TYW1: variants seen among roughly 807,000 people sequenced by gnomAD.
TYW1 encodes tRNA-yW synthesizing protein 1 homolog.
Under a neutral mutation model 96.2 loss-of-function variants are expected in TYW1, and 46 were observed. The observed-to-expected ratio is 0.48, with a 90% CI of 0.38 to 0.61. TYW1 has a LOEUF of 0.61. Ranked by LOEUF, TYW1 falls within the 20% of genes least tolerant of loss-of-function variation. The pLI, the probability that TYW1 is intolerant of heterozygous loss-of-function variation, is 0.00. For missense variants in TYW1, 684 were observed against 909.6 expected (o/e 0.75, Z 3.19); for synonymous variants, 274 against 323.0 (o/e 0.85, Z 1.63).
chr7:67,110,442 G>T (rs1050861310), intron 12 of TYW1, among the ~76,000 whole-genome samples: 10 of 152,180 alleles, frequency 6.6e-5, no homozygotes, highest in Non-Finnish European at 1.5e-4. Context: ...CTCGACAAAG[G>T]CTGGGAGGCT....
intron 10 of TYW1, among the ~76,000 whole-genome samples, chr7:67,078,420 G>T (rs1796271700): frequency 1.3e-5 from 2 of 152,068 alleles, no homozygotes; most frequent in Non-Finnish European, 2.9e-5. Flanking sequence ...GTCATGTACT[G>T]TAATACCTTG....
chr7:67,054,853 C>A (rs1003221827), intron 8 of TYW1, among the ~76,000 whole-genome samples: 1 of 152,162 alleles, frequency 6.6e-6, no homozygotes, highest in Admixed American at 6.5e-5. Context: ...AATGAGATTA[C>A]TTTGGCCTGG....
chr7:67,008,848 G>C (rs1407137694), intron 3 of TYW1, among the ~76,000 whole-genome samples: 4 of 151,846 alleles, frequency 2.6e-5, no homozygotes, highest in Non-Finnish European at 4.4e-5. Flanking sequence ...TTTTAGTAGA[G>C]ACGGGGTTTT....
chr7:67,037,987 A>G (rs578092513), intron 7 of TYW1, among the ~76,000 whole-genome samples: 2 of 152,286 alleles, frequency 1.3e-5, no homozygotes, highest in South Asian at 4.1e-4. Flanking sequence ...AAACTTTTTG[A>G]GTCCTGATAT....
At chr7:67,103,419 T>C (rs185317757) in intron 12 of TYW1, among the ~76,000 whole-genome samples, 82 of 152,306 alleles carry the variant, frequency 5.4e-4, no homozygotes, top group African/African-American at 1.9e-3. Flanking sequence ...ATGATTAGGA[T>C]TGCCATGCTA....
intron 13 of TYW1, among the ~76,000 whole-genome samples, chr7:67,118,534 G>T (rs1797666279): frequency 6.6e-6 from 1 of 151,524 alleles, no homozygotes; most frequent in South Asian, 2.1e-4. Flanking sequence ...TTCATCCATG[G>T]TTGGTTGAAT....
At chr7:67,026,853 T>C (rs1289635742) in intron 7 of TYW1, among the ~76,000 whole-genome samples, 4 of 152,044 alleles carry the variant, frequency 2.6e-5, no homozygotes, top group Non-Finnish European at 5.9e-5. Flanking sequence ...GAATTTCATA[T>C]ATATTAAAGG....
At chr7:67,091,478 G>C (rs961277313) in intron 11 of TYW1, among the ~76,000 whole-genome samples, 7 of 152,024 alleles carry the variant, frequency 4.6e-5, no homozygotes, top group African/African-American at 1.7e-4. Flanking sequence ...ACGAGTTAAC[G>C]GGTACAGCAC....
At chr7:67,190,216 G>A (rs1234734142) in intron 14 of TYW1, among the ~76,000 whole-genome samples, 1 of 152,194 alleles carries the variant, frequency 6.6e-6, no homozygotes, top group Non-Finnish European at 1.5e-5. Context: ...AGTTTTTCTT[G>A]TATGTAGCAG....
chr7:67,115,865 C>A (rs1182690932), intron 12 of TYW1, among the ~76,000 whole-genome samples: 1 of 152,010 alleles, frequency 6.6e-6, no homozygotes, highest in Non-Finnish European at 1.5e-5. Flanking sequence ...CACAAAACTT[C>A]TAGGTGGAAA....
At chr7:67,051,897 TA>T (rs1202950645) in intron 8 of TYW1, among the ~76,000 whole-genome samples, 1 of 152,206 alleles carries the variant, frequency 6.6e-6, no homozygotes, top group East Asian at 1.9e-4. Context: ...TCAAGTTCAG[TA>T]ATTTTTTGCT....
intron 15 of TYW1, among the ~76,000 whole-genome samples, chr7:67,214,067 T>C (rs1205003364): frequency 6.6e-6 from 1 of 152,226 alleles, no homozygotes; most frequent in Non-Finnish European, 1.5e-5. Flanking sequence ...AGGATTTTGA[T>C]TGGGATTGCC....
chr7:67,036,008 T>C (rs769358582), intron 7 of TYW1, among the ~76,000 whole-genome samples: 1 of 150,070 alleles, frequency 6.7e-6, no homozygotes, highest in South Asian at 2.1e-4. Context: ...AAGGCTCCCA[T>C]TGTCCTCAGA....
At chr7:67,168,165 C>T (rs1478394611) in intron 13 of TYW1, among the ~76,000 whole-genome samples, 3 of 147,622 alleles carry the variant, frequency 2.0e-5, no homozygotes, top group African/African-American at 5.1e-5. Flanking sequence ...ATTTTTTTTG[C>T]GTCTATTGAG....
chr7:67,095,660 A>AAACAAC (rs56747081), intron 11 of TYW1, among the ~76,000 whole-genome samples: 1,511 of 136,656 alleles, frequency 0.011, 13 homozygotes, highest in Non-Finnish European at 0.013. Context: ...TCTGTCTCAA[A>AAACAAC]AACAACAACA....
At chr7:67,041,945 A>G (rs1420078764) in intron 7 of TYW1, among the ~76,000 whole-genome samples, 1 of 150,046 alleles carries the variant, frequency 6.7e-6, no homozygotes, top group Non-Finnish European at 1.5e-5. Flanking sequence ...ATTTTCTTGT[A>G]TAGTAGTTAA....
intron 6 of TYW1, among the ~76,000 whole-genome samples, chr7:67,021,463 C>T: frequency 6.6e-6 from 1 of 152,282 alleles, no homozygotes. Flanking sequence ...ACATGTCTTT[C>T]CCTGGCTGGG....
intron 13 of TYW1, among the ~76,000 whole-genome samples, chr7:67,178,523 C>G (rs534675060): frequency 7.9e-5 from 12 of 152,218 alleles, no homozygotes; most frequent in African/African-American, 2.4e-4. Flanking sequence ...TTTATAATAG[C>G]TAAAACCTGG....
intron 3 of TYW1, among the ~76,000 whole-genome samples, chr7:66,999,599 T>C (rs1007790128): frequency 6.6e-6 from 1 of 152,126 alleles, no homozygotes; most frequent in Non-Finnish European, 1.5e-5. Flanking sequence ...GGTGATCCGC[T>C]TGCCTCGGCC....
Sources: allele counts gnomAD v4.1 joint callset (sites outside exome capture counted in the v4.1 genomes callset), GRCh38; gene constraint gnomAD v4.1.1; transcripts MANE v1.5; gene names NCBI Gene and HGNC (gene_info 2026-07-23, HGNC 2026-07-21).